Variants in MRLN observed in about 807,000 individuals in gnomAD.
The protein encoded by MRLN is myoregulin.
intron 2 of MRLN, chr10:59,738,230 C>T (rs1840944123): frequency 6.6e-6 from 1 of 152,174 alleles, no homozygotes; most frequent in Admixed American, 6.5e-5. Context: ...GCAACAATTC[C>T]TTTTGCCTGT....
intron 1 of MRLN, among the ~76,000 whole-genome samples, chr10:59,747,720 C>T (rs534210590): frequency 3.2e-4 from 48 of 152,298 alleles, no homozygotes; most frequent in South Asian, 1.4e-3. Flanking sequence ...ACATGCAATA[C>T]GCTATAGTCA....
intron 1 of MRLN, among the ~76,000 whole-genome samples, chr10:59,742,713 CT>C (rs1320924753): frequency 6.6e-6 from 1 of 150,756 alleles, no homozygotes; most frequent in Non-Finnish European, 1.5e-5. Context: ...CCTTCCCTTT[CT>C]TTTCCTTCCT....
chr10:59,749,372 C>G (rs954793172), intron 1 of MRLN, among the ~76,000 whole-genome samples: 35 of 152,190 alleles, frequency 2.3e-4, no homozygotes, highest in Admixed American at 1.0e-3. Flanking sequence ...CGGCCTTAGC[C>G]ACTGCAATAT....
Position 59,742,374 on chromosome 10 carries a change from G to A in MRLN, c.-124-3812C>T, listed in dbSNP as rs192388083. ...AAAGCAAGACACAAAAGACAACAGC[G>A]TAAGTACATTTATATAAACTAGAAA... On this transcript the variant is annotated intron_variant, in intron 1 of 2. Coordinates refer to ENST00000414264, the MANE Select transcript of MRLN (RefSeq NM_001304731.2). Among the ~76,000 whole-genome samples, 609 of 152,222 alleles carry A rather than the reference G, an allele frequency of 4.0e-3. 5 individuals carry two copies. Among genetic ancestry groups the A allele is most frequent in the African/African-American group, 0.013 (550 of 41,544 alleles).
At chr10:59,745,471 G>T (rs1841034013) in intron 1 of MRLN, among the ~76,000 whole-genome samples, 1 of 148,744 alleles carries the variant, frequency 6.7e-6, no homozygotes, top group Non-Finnish European at 1.5e-5. Context: ...AACTTCAGAT[G>T]ACGGCAAATA....
At chr10:59,743,416 C>T (rs1451275965) in intron 1 of MRLN, among the ~76,000 whole-genome samples, 2 of 152,076 alleles carry the variant, frequency 1.3e-5, no homozygotes, top group Non-Finnish European at 2.9e-5. Context: ...TTACATTTAT[C>T]AACGAAACAT....
At chr10:59,741,263 A>G (rs1418073253) in intron 1 of MRLN, among the ~76,000 whole-genome samples, 1 of 152,192 alleles carries the variant, frequency 6.6e-6, no homozygotes, top group African/African-American at 2.4e-5. Context: ...ACCCAGTGCA[A>G]CTTCCAGTCC....
intron 1 of MRLN, among the ~76,000 whole-genome samples, chr10:59,740,742 A>G (rs1458613665): frequency 6.6e-6 from 1 of 151,720 alleles, no homozygotes; most frequent in Non-Finnish European, 1.5e-5. Context: ...AAAAAATTGC[A>G]GTATATGAAA....
chr10:59,739,275 T>C (rs1840956577), intron 1 of MRLN: 1 of 152,192 alleles, frequency 6.6e-6, no homozygotes, highest in Admixed American at 6.5e-5. Context: ...ATTTTTTAAG[T>C]ACAGTCATCC....
At chr10:59,747,725 TA>T (rs1841056821) in intron 1 of MRLN, among the ~76,000 whole-genome samples, 1 of 152,226 alleles carries the variant, frequency 6.6e-6, no homozygotes, top group African/African-American at 2.4e-5. Flanking sequence ...CAATACGCTA[TA>T]GTCAGTGATG....
At chr10:59,747,216 ACCT>A (rs1276308731) in intron 1 of MRLN, among the ~76,000 whole-genome samples, 19 of 152,128 alleles carry the variant, frequency 1.2e-4, no homozygotes, top group African/African-American at 4.6e-4. Flanking sequence ...TCTCCCCTTG[ACCT>A]CCTTAACATT....
At chr10:59,752,022 T>C (rs1416104953) in intron 1 of MRLN, among the ~76,000 whole-genome samples, 1 of 152,234 alleles carries the variant, frequency 6.6e-6, no homozygotes, top group Admixed American at 6.5e-5. Flanking sequence ...AGCACATACG[T>C]TTATGGAAAT....
intron 1 of MRLN, among the ~76,000 whole-genome samples, chr10:59,748,493 T>C (rs184980823): frequency 2.0e-5 from 3 of 152,362 alleles, no homozygotes; most frequent in African/African-American, 4.8e-5. Flanking sequence ...TATGGCTGTA[T>C]GTTTAAATGA....
intron 1 of MRLN, among the ~76,000 whole-genome samples, chr10:59,740,117 A>C (rs1266863512): frequency 1.3e-5 from 2 of 151,530 alleles, no homozygotes; most frequent in Non-Finnish European, 2.9e-5. Flanking sequence ...ATTATAACAG[A>C]GTTGTAAAAT....
chr10:59,742,555 C>A (rs1330244582), intron 1 of MRLN, among the ~76,000 whole-genome samples: 1 of 152,160 alleles, frequency 6.6e-6, no homozygotes, highest in Non-Finnish European at 1.5e-5. Flanking sequence ...GAGATTCCAA[C>A]AGTGTTTCAT....
chr10:59,742,583 G>T (rs1284214834), intron 1 of MRLN, among the ~76,000 whole-genome samples: 2 of 152,120 alleles, frequency 1.3e-5, no homozygotes, highest in Non-Finnish European at 2.9e-5. Context: ...CCTGGGTGGT[G>T]GTTATACTAG....
chr10:59,744,448 G>C (rs1257543205), intron 1 of MRLN, among the ~76,000 whole-genome samples: 2 of 151,206 alleles, frequency 1.3e-5, no homozygotes, highest in Admixed American at 1.3e-4. Flanking sequence ...CCGGGAGGCG[G>C]GGAGCAGCCG....
chr10:59,745,993 A>G (rs1003777771), intron 1 of MRLN, among the ~76,000 whole-genome samples: 1 of 152,170 alleles, frequency 6.6e-6, no homozygotes, highest in Admixed American at 6.5e-5. Context: ...ACTTTTCTCA[A>G]TTTCTCCTAA....
At chr10:59,739,815 C>T (rs1171586) in intron 1 of MRLN, 80,171 of 152,130 alleles carry the variant, frequency 0.53, 21,958 homozygotes, top group Admixed American at 0.61. Flanking sequence ...CAGAGTTGGC[C>T]GGGCACAGTG....
Sources: allele counts gnomAD v4.1 joint callset (sites outside exome capture counted in the v4.1 genomes callset), GRCh38; gene constraint gnomAD v4.1.1; transcripts MANE v1.5; gene names NCBI Gene and HGNC (gene_info 2026-07-23, HGNC 2026-07-21).